The following HDAC9 variants were observed in gnomAD, a reference collection of about 807,000 sequenced individuals.
The protein encoded by HDAC9 is histone deacetylase 9, also known as MEF-2 interacting transcription repressor (MITR) protein.
HDAC9 carries 41 observed loss-of-function variants against 139.4 expected under a neutral mutation model. The observed-to-expected ratio is 0.29, with a 90% CI of 0.23 to 0.38. HDAC9 has a LOEUF of 0.38. HDAC9 is among the 10% of genes least tolerant of loss of function. HDAC9 has a pLI of 1.00. For missense variants in HDAC9, 1,147 were observed against 1,297.0 expected, an observed-to-expected ratio of 0.88 and a Z score of 1.78; for synonymous variants, 517 against 476.2, an observed-to-expected ratio of 1.09 and a Z score of -1.12.
At chr7:18,482,684 A>T (rs1336065566) in intron 1 of HDAC9, among the ~76,000 whole-genome samples, 2 of 152,072 alleles carry the variant, frequency 1.3e-5, no homozygotes, top group Admixed American at 1.3e-4. Flanking sequence ...TTTTTAAGAC[A>T]TTTTTTTGGA....
intron 6 of HDAC9, among the ~76,000 whole-genome samples, chr7:18,602,714 G>T (rs1400791121): frequency 6.6e-6 from 1 of 151,786 alleles, no homozygotes; most frequent in African/African-American, 2.4e-5. Flanking sequence ...GTTTTATTTA[G>T]AGTCATGTTA....
In HDAC9 at chr7:18,767,096, T is replaced by C. The variant is rs1302781076; in HGVS notation, c.2165-10T>C. On this transcript the variant is annotated splice_polypyrimidine_tract_variant and intron_variant, in intron 15 of 25. Transcript: ENST00000686413. ...TTTATCTATATTTTTTATGTCTTCT[T>C]ACTGTATAGGTGATGACTCTCAAAA... is the stretch of plus-strand genomic sequence containing the variant. 6.9e-7 allele frequency: 1 copy of C among 1,439,850 alleles called. No homozygotes were observed. Among genetic ancestry groups the C allele is most frequent in the Admixed American group, 2.2e-5 (1 of 46,182 alleles). The allele number at this position is 1,439,850 out of a possible 1,614,324, so 89.2% of individuals were successfully genotyped here.
At chr7:18,921,634 T>C (rs578017862) in intron 22 of HDAC9, among the ~76,000 whole-genome samples, 8 of 152,318 alleles carry the variant, frequency 5.3e-5, no homozygotes, top group African/African-American at 1.9e-4. Context: ...TTGGTGGGAC[T>C]GTTAACTAGT....
chr7:18,325,541 G>A (rs995095433), intron 1 of HDAC9: 3 of 151,910 alleles, frequency 2.0e-5, no homozygotes, highest in Non-Finnish European at 2.9e-5. Context: ...TGCCCAGGCT[G>A]GTATCAAACT....
At chr7:18,343,738 T>C (rs921809817) in intron 1 of HDAC9, among the ~76,000 whole-genome samples, 2 of 151,858 alleles carry the variant, frequency 1.3e-5, no homozygotes, top group Non-Finnish European at 1.5e-5. Flanking sequence ...ATAACAACCA[T>C]TTCCGCATAG....
intron 2 of HDAC9, among the ~76,000 whole-genome samples, chr7:18,513,488 T>C (rs932026564): frequency 1.3e-5 from 2 of 152,210 alleles, no homozygotes; most frequent in Admixed American, 6.5e-5. Context: ...TTTAAGCTGA[T>C]GCCTGAGTGA....
intron 1 of HDAC9, among the ~76,000 whole-genome samples, chr7:18,148,725 G>C (rs1188765467): frequency 1.3e-5 from 2 of 152,168 alleles, no homozygotes; most frequent in Admixed American, 1.3e-4. Context: ...CTCCCAAAGT[G>C]CTGGGATTAC....
rs557877459 is a variant in HDAC9, at chr7:18,772,128, G to A, written c.2214+4973G>A. Reference sequence around the variant, plus strand: ...CTTTTAAAACAGCAAAGAAAGAATAGGGTGTGGAGGTTACTCAAGCAGTTA... The same window carrying A: ...CTTTTAAAACAGCAAAGAAAGAATAAGGTGTGGAGGTTACTCAAGCAGTTA... On this transcript the variant is annotated intron_variant, in intron 16 of 25. Coordinates refer to ENST00000686413, the MANE Select transcript of HDAC9 (RefSeq NM_178425.4). Among the ~76,000 whole-genome samples, 3 of 152,100 alleles carry A rather than the reference G, an allele frequency of 2.0e-5. No individual in the cohort carries two copies. In the South Asian group the frequency reaches 6.2e-4, roughly 32 times the overall value.
chr7:18,872,084 G>A (rs1798964346), intron 21 of HDAC9, among the ~76,000 whole-genome samples: 1 of 152,078 alleles, frequency 6.6e-6, no homozygotes, highest in South Asian at 2.1e-4. Flanking sequence ...GCAGCATGAT[G>A]CCTCTGTTCT....
chr7:18,450,897 G>A (rs2128101906), intron 1 of HDAC9, among the ~76,000 whole-genome samples: 1 of 152,300 alleles, frequency 6.6e-6, no homozygotes. Flanking sequence ...AAATGAGGGT[G>A]AAAGTGTCAA....
chr7:18,388,004 T>C (rs1261644832), intron 1 of HDAC9, among the ~76,000 whole-genome samples: 3 of 152,224 alleles, frequency 2.0e-5, no homozygotes, highest in Non-Finnish European at 4.4e-5. Context: ...TGATTTCTTG[T>C]ACTTTAAATA....
At chr7:18,708,734 G>A (rs544449260) in intron 12 of HDAC9, among the ~76,000 whole-genome samples, 2 of 152,282 alleles carry the variant, frequency 1.3e-5, no homozygotes, top group Admixed American at 1.3e-4. Context: ...TTATGAAAGA[G>A]TGCTTGGTGG....
At chr7:18,599,090 C>T (rs1276411685) in intron 6 of HDAC9, among the ~76,000 whole-genome samples, 1 of 152,230 alleles carries the variant, frequency 6.6e-6, no homozygotes, top group Admixed American at 6.5e-5. Context: ...ATGTTCTGTG[C>T]TCACTAGGGC....
At chr7:18,233,671 T>C (rs896677806) in intron 2 of HDAC9, among the ~76,000 whole-genome samples, 1 of 152,150 alleles carries the variant, frequency 6.6e-6, no homozygotes, top group Admixed American at 6.5e-5. Flanking sequence ...CAATATTCTA[T>C]AGCCTGTAGG....
At chr7:18,408,893 G>T (rs1055660202) in intron 1 of HDAC9, among the ~76,000 whole-genome samples, 2 of 152,150 alleles carry the variant, frequency 1.3e-5, no homozygotes, top group Non-Finnish European at 2.9e-5. Context: ...CATTAGAAAA[G>T]GCGCAGATTA....
intron 1 of HDAC9, among the ~76,000 whole-genome samples, chr7:18,445,999 C>A (rs1337064803): frequency 6.6e-6 from 1 of 152,120 alleles, no homozygotes; most frequent in Admixed American, 6.5e-5. Flanking sequence ...AATTTGAGCA[C>A]AAGGAAAGAA....
chr7:18,745,787 C>T (rs902751168), intron 13 of HDAC9, among the ~76,000 whole-genome samples: 1 of 151,630 alleles, frequency 6.6e-6, no homozygotes, highest in African/African-American at 2.4e-5. Context: ...ACCTCATGAT[C>T]CATCCGCCTC....
At chr7:18,757,355 T>C (rs982009088) in intron 14 of HDAC9, among the ~76,000 whole-genome samples, 1 of 152,098 alleles carries the variant, frequency 6.6e-6, no homozygotes, top group African/African-American at 2.4e-5. Context: ...ACTTTGAAAA[T>C]GATTAAAGAA....
chr7:18,920,493 C>T (rs1246172138), intron 22 of HDAC9, among the ~76,000 whole-genome samples: 1 of 152,086 alleles, frequency 6.6e-6, no homozygotes, highest in Non-Finnish European at 1.5e-5. Context: ...ATTTCCTTCT[C>T]CTGCCTGATT....
Sources: allele counts gnomAD v4.1 joint callset (sites outside exome capture counted in the v4.1 genomes callset), GRCh38; gene constraint gnomAD v4.1.1; transcripts MANE v1.5; gene names NCBI Gene and HGNC (gene_info 2026-07-23, HGNC 2026-07-21).